The following OSBPL8 variants were observed in gnomAD, a reference collection of about 807,000 sequenced individuals.
OSBPL8 encodes the protein oxysterol-binding protein-related protein 8.
OSBPL8 carries 59 observed loss-of-function variants against 125.5 expected under a neutral mutation model. The ratio of observed to expected loss-of-function variants is 0.47; its 90% CI spans 0.38 to 0.58. The LOEUF is 0.58. Ranked by LOEUF, OSBPL8 falls within the 20% of genes least tolerant of loss-of-function variation. OSBPL8 has a pLI of 0.00. For missense variants in OSBPL8, 758 were observed against 1,047.8 expected (o/e 0.72, Z 3.82); for synonymous variants, 330 against 338.9 (o/e 0.97, Z 0.29).
At chr12:76,515,119 C>A (rs1881405865) in intron 1 of OSBPL8, among the ~76,000 whole-genome samples, 1 of 152,168 alleles carries the variant, frequency 6.6e-6, no homozygotes, top group African/African-American at 2.4e-5. Flanking sequence ...ATATTCATTC[C>A]TATCCACGTT....
At chr12:76,410,509 T>A (rs934132403) in intron 5 of OSBPL8, 55 bp downstream of exon 5, 23 of 1,300,908 alleles carry the variant, frequency 1.8e-5, no homozygotes, top group Non-Finnish European at 1.1e-6. Flanking sequence ...GTTAGTTCCC[T>A]CATCTCAAAT....
intron 4 of OSBPL8, among the ~76,000 whole-genome samples, chr12:76,428,197 A>T (rs1429967584): frequency 6.6e-6 from 1 of 152,048 alleles, no homozygotes; most frequent in African/African-American, 2.4e-5. Flanking sequence ...GGCTCTTTCC[A>T]TTTGAAAATG....
At chr12:76,407,507 C>G (rs759200770) in intron 5 of OSBPL8, among the ~76,000 whole-genome samples, 4 of 152,136 alleles carry the variant, frequency 2.6e-5, no homozygotes, top group Non-Finnish European at 4.4e-5. Context: ...CTCAGCCTCC[C>G]CAAGTGCTGG....
intron 4 of OSBPL8, among the ~76,000 whole-genome samples, chr12:76,448,927 C>T (rs377377636): frequency 2.0e-5 from 3 of 152,110 alleles, no homozygotes; most frequent in Non-Finnish European, 2.9e-5. Context: ...GCAGGAGAAT[C>T]GCTTGAACCC....
At chr12:76,414,569 A>C (rs1868387083) in intron 4 of OSBPL8, among the ~76,000 whole-genome samples, 1 of 149,972 alleles carries the variant, frequency 6.7e-6, no homozygotes, top group African/African-American at 2.5e-5. Context: ...CTTCAACCAC[A>C]GCCTCCTGAG....
At chr12:76,429,579 T>C (rs1870568471) in intron 4 of OSBPL8, among the ~76,000 whole-genome samples, 1 of 152,184 alleles carries the variant, frequency 6.6e-6, no homozygotes, top group African/African-American at 2.4e-5. Context: ...ATAGTACTTA[T>C]CCATGTAACC....
At chr12:76,420,230 A>G (rs1869292096) in intron 4 of OSBPL8, among the ~76,000 whole-genome samples, 1 of 152,166 alleles carries the variant, frequency 6.6e-6, no homozygotes. Flanking sequence ...TATTGAATAC[A>G]GCCAAGAGCC....
At chr12:76,529,662 C>T (rs527419429) in intron 1 of OSBPL8, among the ~76,000 whole-genome samples, 3 of 152,174 alleles carry the variant, frequency 2.0e-5, no homozygotes, top group South Asian at 2.1e-4. Context: ...GAAGAAGACT[C>T]GAGATAAGAA....
intron 8 of OSBPL8, among the ~76,000 whole-genome samples, chr12:76,396,644 C>T (rs1013375032): frequency 6.6e-6 from 1 of 152,050 alleles, no homozygotes; most frequent in Non-Finnish European, 1.5e-5. Context: ...GTCCTAGCTA[C>T]TTGGGGGGCT....
intron 6 of OSBPL8, among the ~76,000 whole-genome samples, chr12:76,402,322 C>T (rs868457398): frequency 1.3e-5 from 2 of 152,240 alleles, no homozygotes; most frequent in African/African-American, 4.8e-5. Flanking sequence ...CAAGTTCAGG[C>T]CATGACCCAG....
intron 2 of OSBPL8, among the ~76,000 whole-genome samples, chr12:76,478,850 C>A (rs1877122014): frequency 6.6e-6 from 1 of 152,122 alleles, no homozygotes; most frequent in Non-Finnish European, 1.5e-5. Flanking sequence ...CTTTGGGAGG[C>A]CGAGGCGGGT....
chr12:76,468,552 C>T (rs1022801663), intron 2 of OSBPL8, among the ~76,000 whole-genome samples: 4 of 152,196 alleles, frequency 2.6e-5, no homozygotes. Context: ...TGCAATATCT[C>T]TTAAAACTAG....
chr12:76,437,657 T>C (rs1871631482), intron 4 of OSBPL8, among the ~76,000 whole-genome samples: 2 of 152,216 alleles, frequency 1.3e-5, no homozygotes, highest in South Asian at 4.1e-4. Flanking sequence ...CCTAAAGAGT[T>C]AAGAATGGTC....
At chr12:76,361,697 CA>C (rs1952214660) in intron 21 of OSBPL8, among the ~76,000 whole-genome samples, 1 of 152,146 alleles carries the variant, frequency 6.6e-6, no homozygotes, top group Non-Finnish European at 1.5e-5. Flanking sequence ...TCTTACATGG[CA>C]GCAGCAAAAG....
At chr12:76,543,473 C>T (rs1950698954) in intron 1 of OSBPL8, among the ~76,000 whole-genome samples, 1 of 151,934 alleles carries the variant, frequency 6.6e-6, no homozygotes, top group South Asian at 2.1e-4. Flanking sequence ...TATATTTCTT[C>T]CTCTCAGCAC....
chr12:76,506,034 G>A (rs563171699), intron 1 of OSBPL8, among the ~76,000 whole-genome samples: 1 of 139,522 alleles, frequency 7.2e-6, no homozygotes, highest in East Asian at 1.9e-4. Flanking sequence ...CACAGGAACC[G>A]TAGTAGGAGA....
Position 76,390,624 on chromosome 12 carries a change from A to C in OSBPL8, c.963T>G (p.Phe321Leu). ...TATCAGAATACATATCTTGGTCCTT[A>C]AAATGTTGTCGTTCAATTTCACTAT... ...LNDSEIERQH[F>L]KDQDMYSDKS... The change falls in exon 11 of 24, where the codon TTT (phenylalanine) becomes TTG (leucine). Residue 321 changes from phenylalanine (F) to leucine (L), a missense_variant. Physicochemically the swap from Phe to Leu is conservative, Grantham distance 22 (BLOSUM62 0). This residue lies in a region of OSBPL8 where 572 missense variants were observed against 762.0 expected (regional missense o/e 0.75). Transcript: ENST00000261183. 1 of 1,613,132 alleles carries C rather than the reference A, an allele frequency of 6.2e-7. No homozygotes were observed. Among genetic ancestry groups the C allele is most frequent in the Non-Finnish European group, 8.5e-7 (1 of 1,179,516 alleles).
intron 20 of OSBPL8, 146 bp from the exon 21 acceptor site, chr12:76,369,447 A>C: frequency 7.2e-7 from 1 of 1,395,568 alleles, no homozygotes; most frequent in Non-Finnish European, 9.4e-7. Flanking sequence ...TCAGATCCTC[A>C]ACTTATTTTA....
rs1953876711 is a variant in OSBPL8, at chr12:76,397,821, T to G, written c.545A>C (p.Gln182Pro). 1.2e-6 allele frequency: 2 copies of G among 1,614,020 alleles called. No individual in the cohort carries two copies. Among genetic ancestry groups the G allele is most frequent in the Non-Finnish European group, 1.7e-6 (2 of 1,180,012 alleles). ...KPGVLLIYKT[Q>P]KNGQWVGTVL... is the part of the protein sequence containing the mutation. ...TGTTCCTACCCACTGACCATTTTTT[T>G]GGGTTTTATAGATCAGTAGCACCCC... The change falls in exon 8 of 24, where the codon CAA (glutamine) becomes CCA (proline). Residue 182 changes from glutamine to proline, a missense_variant. Around this residue, in one of 3 missense-constraint regions of OSBPL8, gnomAD observed 69 missense variants for 148.7 expected, o/e 0.46. Transcript: ENST00000261183.
Sources: allele counts gnomAD v4.1 joint callset (sites outside exome capture counted in the v4.1 genomes callset), GRCh38; gene constraint gnomAD v4.1.1; regional missense constraint gnomAD v4.1.1; transcripts MANE v1.5; gene names NCBI Gene and HGNC (gene_info 2026-07-23, HGNC 2026-07-21).